The following LINGO2 variants were observed in gnomAD, a reference collection of about 807,000 sequenced individuals.
LINGO2 encodes the protein leucine rich repeat and Ig domain containing 2, also known as leucine-rich repeat and immunoglobulin-like domain-containing nogo receptor-interacting protein 2.
In LINGO2, 14 loss-of-function variants were observed where a neutral mutation model predicts 30.6. That is an observed-to-expected ratio of 0.46 (90% CI 0.30 to 0.72). The LOEUF is 0.72. Among genes scored for constraint, LINGO2 ranks in the 30% least tolerant of loss-of-function variants. LINGO2 has a pLI of 0.07. For missense variants in LINGO2, 729 were observed against 751.7 expected (o/e 0.97, Z 0.35); for synonymous variants, 317 against 288.5 (o/e 1.10, Z -1.00).
chr9:29,197,314 T>C, the LINGO2 span, among the ~76,000 whole-genome samples: 3 of 152,020 alleles, frequency 2.0e-5, no homozygotes, highest in South Asian at 4.1e-4. Flanking sequence ...CAAAATCTTG[T>C]ACTGCTCAAT....
the LINGO2 span, among the ~76,000 whole-genome samples, chr9:29,112,294 T>C: frequency 6.6e-6 from 1 of 152,104 alleles, no homozygotes; most frequent in South Asian, 2.1e-4. Flanking sequence ...GCATCACTTG[T>C]GAACTTGGCA....
upstream of LINGO2, among the ~76,000 whole-genome samples, chr9:28,673,752 T>C (rs971280019): frequency 2.6e-5 from 4 of 151,982 alleles, no homozygotes; most frequent in African/African-American, 9.7e-5. Flanking sequence ...ATCAGTTTCA[T>C]AAGAATTGGT....
At chr9:28,394,022 C>A (rs1160652043) in intron 2 of LINGO2, among the ~76,000 whole-genome samples, 2 of 151,892 alleles carry the variant, frequency 1.3e-5, no homozygotes, top group Non-Finnish European at 1.5e-5. Context: ...TTGTCTCATT[C>A]CCCTATCAGT....
At chr9:28,367,103 A>AT (rs1564153636) in intron 3 of LINGO2, among the ~76,000 whole-genome samples, 1 of 140,608 alleles carries the variant, frequency 7.1e-6, no homozygotes, top group African/African-American at 2.7e-5. Flanking sequence ...ATTTTGGTTA[A>AT]ATCAAAAGTC....
chr9:28,732,966 A>G, the LINGO2 span, among the ~76,000 whole-genome samples: 2 of 152,212 alleles, frequency 1.3e-5, no homozygotes, highest in Admixed American at 1.3e-4. Context: ...TATGTTCCTC[A>G]AATGAAGGCT....
chr9:28,936,094 C>T, the LINGO2 span, among the ~76,000 whole-genome samples: 2 of 152,086 alleles, frequency 1.3e-5, no homozygotes, highest in African/African-American at 2.4e-5. Flanking sequence ...TGGGCCAATA[C>T]CCTTAATTAT....
intron 4 of LINGO2, among the ~76,000 whole-genome samples, chr9:28,211,585 G>A (rs1247380094): frequency 6.6e-6 from 1 of 151,418 alleles, no homozygotes; most frequent in Admixed American, 6.6e-5. Context: ...AATGGACAGA[G>A]TTATACTTTT....
the LINGO2 span, among the ~76,000 whole-genome samples, chr9:29,154,449 CA>C: frequency 0.18 from 17,571 of 95,228 alleles, 933 homozygotes; most frequent in East Asian, 0.38. Flanking sequence ...GACTCCGTCT[CA>C]AAAAAAAAAA....
the LINGO2 span, among the ~76,000 whole-genome samples, chr9:28,929,140 T>C: frequency 6.9e-3 from 1,048 of 152,338 alleles, 17 homozygotes; most frequent in African/African-American, 0.024. Context: ...TTTTTCTACC[T>C]CTGTTTCTCT....
chr9:27,960,066 G>A (rs907094657), intron 5 of LINGO2, among the ~76,000 whole-genome samples: 1 of 151,842 alleles, frequency 6.6e-6, no homozygotes, highest in Non-Finnish European at 1.5e-5. Context: ...GTAATATATT[G>A]GGGGTTATTT....
chr9:28,709,563 T>G, the LINGO2 span, among the ~76,000 whole-genome samples: 1 of 152,024 alleles, frequency 6.6e-6, no homozygotes, highest in Non-Finnish European at 1.5e-5. Flanking sequence ...CAATAACACA[T>G]TGAGTAATTA....
At chr9:28,234,528 A>G (rs1821488860) in intron 4 of LINGO2, among the ~76,000 whole-genome samples, 1 of 152,188 alleles carries the variant, frequency 6.6e-6, no homozygotes, top group Non-Finnish European at 1.5e-5. Context: ...AATCTATGGG[A>G]CACCAGTTCA....
In LINGO2 at chr9:28,125,294, G is replaced by A. The variant is rs1827205641; in HGVS notation, c.-86-112889C>T. On this transcript the variant is annotated intron_variant, in intron 4 of 5. Coordinates refer to ENST00000379992, the Ensembl canonical transcript of LINGO2. ...TGGCTTAAAGAGAAATAAAAGACAT[G>A]TAGTTTCTTCTGTAATTAAAGATCA... Among the ~76,000 whole-genome samples the A allele has an allele frequency of 1.3e-5, 2 of 152,196 alleles. 1 individual carries two copies. The highest frequency in any genetic ancestry group is 4.1e-4 in the South Asian group (2 of 4,832).
the LINGO2 span, among the ~76,000 whole-genome samples, chr9:28,926,986 T>C: frequency 2.0e-5 from 3 of 152,240 alleles, no homozygotes; most frequent in Admixed American, 6.5e-5. Flanking sequence ...AGATATTCTT[T>C]CTCTAGCACC....
intron 1 of LINGO2, among the ~76,000 whole-genome samples, chr9:28,633,806 T>G (rs143275957): frequency 7.9e-5 from 12 of 152,336 alleles, no homozygotes; most frequent in African/African-American, 2.6e-4. Context: ...ACCAGGCAGC[T>G]GACAGCCCCA....
At chr9:28,424,214 A>AT (rs1356230120) in intron 2 of LINGO2, among the ~76,000 whole-genome samples, 1 of 152,152 alleles carries the variant, frequency 6.6e-6, no homozygotes, top group African/African-American at 2.4e-5. Context: ...TTTCCCAACC[A>AT]TTGAAACTAG....
At chr9:28,583,355 G>C (rs1384012722) in intron 1 of LINGO2, among the ~76,000 whole-genome samples, 2 of 151,852 alleles carry the variant, frequency 1.3e-5, no homozygotes, top group East Asian at 3.9e-4. Flanking sequence ...TTTTTTAAAT[G>C]AAAAAGTTCC....
chr9:28,878,959 T>C, the LINGO2 span, among the ~76,000 whole-genome samples: 22,154 of 152,070 alleles, frequency 0.15, 1,783 homozygotes, highest in East Asian at 0.3. Flanking sequence ...ACCACTCCTA[T>C]TCAACATAGT....
chr9:28,999,580 T>C, the LINGO2 span, among the ~76,000 whole-genome samples: 2 of 152,068 alleles, frequency 1.3e-5, no homozygotes, highest in East Asian at 1.9e-4. Flanking sequence ...GTTTCTCCTA[T>C]ACTTCCTTCA....
Sources: allele counts gnomAD v4.1 joint callset (sites outside exome capture counted in the v4.1 genomes callset), GRCh38; gene constraint gnomAD v4.1.1; transcripts MANE v1.5; gene names NCBI Gene and HGNC (gene_info 2026-07-23, HGNC 2026-07-21).